Variants in STAC observed in about 807,000 individuals in gnomAD.
STAC encodes SH3 and cysteine rich domain.
Under a neutral mutation model 48.8 loss-of-function variants are expected in STAC, and 43 were observed. That is an observed-to-expected ratio of 0.88 (90% confidence interval 0.69 to 1.14). The LOEUF (loss-of-function observed/expected upper bound fraction) is 1.14. Among genes scored for constraint, STAC ranks in the 50% most tolerant of loss-of-function variants. STAC has a pLI of 0.00. For synonymous variants in STAC, 193 were observed against 179.5 expected, an observed-to-expected ratio of 1.07 and a Z score of -0.60; for missense variants, 497 against 504.0, an observed-to-expected ratio of 0.99 and a Z score of 0.13.
At chr3:36,467,758 C>G (rs1697218268) in intron 2 of STAC, among the ~76,000 whole-genome samples, 2 of 151,994 alleles carry the variant, frequency 1.3e-5, no homozygotes, top group African/African-American at 4.8e-5. Flanking sequence ...AATGCTCTAT[C>G]AATTTTATTT....
At chr3:36,435,305 A>G (rs1185369157) in intron 1 of STAC, among the ~76,000 whole-genome samples, 1 of 152,148 alleles carries the variant, frequency 6.6e-6, no homozygotes, top group Non-Finnish European at 1.5e-5. Context: ...CTGAGAATAA[A>G]GAAGCAATCA....
intron 1 of STAC, among the ~76,000 whole-genome samples, chr3:36,412,349 T>C (rs1321870229): frequency 1.3e-5 from 2 of 152,196 alleles, no homozygotes; most frequent in Non-Finnish European, 1.5e-5. Flanking sequence ...ACATTGGATG[T>C]ACATTTCATT....
At chr3:36,394,242 T>C in intron 1 of STAC, among the ~76,000 whole-genome samples, 1 of 152,188 alleles carries the variant, frequency 6.6e-6, no homozygotes. Flanking sequence ...TTAGTAACAC[T>C]AGCCATATTT....
At chr3:36,493,263 T>C (rs375204955) in intron 6 of STAC, 34 bp downstream of exon 6, 11 of 1,605,948 alleles carry the variant, frequency 6.8e-6, no homozygotes, top group Non-Finnish European at 9.4e-6. Flanking sequence ...ACAAATGTGA[T>C]CACATGAGTC....
chr3:36,541,068 C>A (rs1341505946), intron 10 of STAC, among the ~76,000 whole-genome samples: 2 of 152,120 alleles, frequency 1.3e-5, no homozygotes, highest in Non-Finnish European at 1.5e-5. Flanking sequence ...CTAAGCTATC[C>A]TTGAAATGAT....
intron 8 of STAC, among the ~76,000 whole-genome samples, chr3:36,521,031 T>C (rs1207809886): frequency 6.6e-6 from 1 of 152,094 alleles, no homozygotes; most frequent in African/African-American, 2.4e-5. Flanking sequence ...TGGACCAAGA[T>C]AATGTAAATT....
intron 2 of STAC, among the ~76,000 whole-genome samples, chr3:36,482,368 A>C (rs963842821): frequency 6.6e-6 from 1 of 152,146 alleles, no homozygotes; most frequent in Non-Finnish European, 1.5e-5. Context: ...TTTTCTTCTC[A>C]GCCTTCTTTC....
intron 2 of STAC, among the ~76,000 whole-genome samples, chr3:36,481,435 G>A (rs1697643567): frequency 6.6e-6 from 1 of 152,210 alleles, no homozygotes; most frequent in African/African-American, 2.4e-5. Context: ...AGATGAAGCA[G>A]TGAGACTGGC....
chr3:36,497,595 T>C (rs1393529485), intron 6 of STAC, among the ~76,000 whole-genome samples: 1 of 152,022 alleles, frequency 6.6e-6, no homozygotes, highest in Admixed American at 6.6e-5. Context: ...TTTTGAAACA[T>C]ATTAATACCC....
At chr3:36,497,398 G>A (rs527553715) in intron 6 of STAC, among the ~76,000 whole-genome samples, 1 of 152,080 alleles carries the variant, frequency 6.6e-6, no homozygotes, top group Non-Finnish European at 1.5e-5. Flanking sequence ...GGCTGAGCTG[G>A]CAGCAAAATA....
At chr3:36,508,268 C>T (rs1698452899) in intron 8 of STAC, among the ~76,000 whole-genome samples, 2 of 152,128 alleles carry the variant, frequency 1.3e-5, no homozygotes, top group Admixed American at 6.6e-5. Flanking sequence ...AATTTGATTG[C>T]ACTGTGGTCT....
At chr3:36,493,100 G>T in intron 5 of STAC, 51 bp from the exon 6 acceptor site, 1 of 1,559,016 alleles carries the variant, frequency 6.4e-7, no homozygotes, top group South Asian at 1.1e-5. Flanking sequence ...CTGCTCAATT[G>T]ACCACAGATA....
At chr3:36,486,271 C>T (rs1242364816) in intron 5 of STAC, 22 bp downstream of exon 5, 9 of 1,604,466 alleles carry the variant, frequency 5.6e-6, no homozygotes, top group South Asian at 2.2e-5. Context: ...CTTCCTTCCT[C>T]GGTTTGTCTG....
chr3:36,384,998 T>C (rs1022840485), intron 1 of STAC, among the ~76,000 whole-genome samples: 1 of 152,126 alleles, frequency 6.6e-6, no homozygotes, highest in African/African-American at 2.4e-5. Context: ...GGGAAGAAGA[T>C]GAAAGAAAAC....
At position 36,547,702 on chromosome 3, in the gene STAC, T is replaced by A. The variant is rs148506351; in HGVS notation, c.*1413T>A. The stretch of plus-strand genomic sequence containing the variant: ...ATTATTTCCCAAACCAAAGCATCAT[T>A]CATCTCCATTTATTTCTTTTGTTCC... On this transcript the variant is annotated 3_prime_UTR_variant, in exon 11 of 11. Transcript: ENST00000273183. 29 of 152,640 alleles carry A rather than the reference T, an allele frequency of 1.9e-4. No individual in the cohort carries two copies. The highest frequency in any genetic ancestry group is 6.7e-4 in the African/African-American group (28 of 41,582). 9.5% of individuals were successfully genotyped at this position (152,640 alleles called of 1,614,324 possible). A position where few individuals can be genotyped will look rare whatever the true frequency, so the allele number is the denominator to read the frequency against.
At chr3:36,452,105 G>C (rs1013986516) in intron 2 of STAC, among the ~76,000 whole-genome samples, 3 of 152,170 alleles carry the variant, frequency 2.0e-5, no homozygotes, top group African/African-American at 7.2e-5. Flanking sequence ...GGGCACTGCT[G>C]CTTTATGTTA....
intron 2 of STAC, among the ~76,000 whole-genome samples, chr3:36,459,731 G>A (rs112530255): frequency 0.01 from 1,536 of 152,200 alleles, 28 homozygotes; most frequent in African/African-American, 0.033. Flanking sequence ...CAAAGAACTG[G>A]TATCTTGGCA....
At chr3:36,532,254 T>C (rs1699089633) in intron 10 of STAC, among the ~76,000 whole-genome samples, 1 of 152,180 alleles carries the variant, frequency 6.6e-6, no homozygotes, top group Non-Finnish European at 1.5e-5. Context: ...GGAAATTGGG[T>C]CACTGGGCTC....
intron 4 of STAC, chr3:36,485,844 C>T (rs1184691741): frequency 4.2e-6 from 1 of 237,852 alleles, no homozygotes; most frequent in African/African-American, 2.2e-5. Flanking sequence ...TAAAGCTGAT[C>T]CCTGCAAGAA....
Sources: allele counts gnomAD v4.1 joint callset (sites outside exome capture counted in the v4.1 genomes callset), GRCh38; gene constraint gnomAD v4.1.1; transcripts MANE v1.5; gene names NCBI Gene and HGNC (gene_info 2026-07-23, HGNC 2026-07-21).